Variants in SLX4IP observed in about 807,000 individuals in gnomAD.
SLX4IP encodes protein SLX4IP.
A neutral mutation model predicts 32.9 loss-of-function variants in SLX4IP; 34 were observed. That is an observed-to-expected ratio of 1.03 (90% CI 0.79 to 1.38). SLX4IP has a LOEUF of 1.38. Ranked by LOEUF, SLX4IP falls within the 40% of genes most tolerant of loss-of-function variation. The pLI is 0.00. For synonymous variants in SLX4IP, 172 were observed against 171.7 expected (o/e 1.00, Z -0.01); for missense variants, 444 against 479.0 (o/e 0.93, Z 0.68).
intron 4 of SLX4IP, among the ~76,000 whole-genome samples, chr20:10,589,042 AC>A (rs2066677134): frequency 6.6e-6 from 1 of 152,202 alleles, no homozygotes; most frequent in African/African-American, 2.4e-5. Flanking sequence ...CATGTTCTAT[AC>A]CTTAAATGTA....
intron 4 of SLX4IP, among the ~76,000 whole-genome samples, chr20:10,566,255 G>A (rs1175610592): frequency 6.8e-6 from 1 of 146,118 alleles, no homozygotes; most frequent in Admixed American, 6.8e-5. Flanking sequence ...TTAGCACTGG[G>A]TATGTTTCAC....
intron 4 of SLX4IP, among the ~76,000 whole-genome samples, chr20:10,578,330 C>T (rs142662346): frequency 7.2e-4 from 109 of 152,344 alleles, no homozygotes; most frequent in Admixed American, 2.8e-3. Context: ...TAGAGTCATA[C>T]ACCATGTGGT....
chr20:10,612,484 T>C (rs2066977995), intron 6 of SLX4IP, among the ~76,000 whole-genome samples: 1 of 152,204 alleles, frequency 6.6e-6, no homozygotes, highest in Non-Finnish European at 1.5e-5. Context: ...GAATATGCCC[T>C]AAGACTATGT....
At chr20:10,618,808 C>T (rs1185409830) in intron 6 of SLX4IP, among the ~76,000 whole-genome samples, 2 of 152,152 alleles carry the variant, frequency 1.3e-5, no homozygotes, top group African/African-American at 4.8e-5. Flanking sequence ...GTTGTGCCTC[C>T]GGATAAGCCT....
At chr20:10,485,252 C>T (rs971999736) in intron 2 of SLX4IP, among the ~76,000 whole-genome samples, 1 of 151,934 alleles carries the variant, frequency 6.6e-6, no homozygotes, top group African/African-American at 2.4e-5. Context: ...ATACAGTTGA[C>T]CCTTGAATAA....
chr20:10,567,499 C>T (rs879435385), intron 4 of SLX4IP, among the ~76,000 whole-genome samples: 8 of 152,168 alleles, frequency 5.3e-5, no homozygotes, highest in South Asian at 4.1e-4. Flanking sequence ...AGACTCTCGC[C>T]AGACCTGCTG....
At chr20:10,563,366 C>A (rs1387531038) in intron 4 of SLX4IP, among the ~76,000 whole-genome samples, 1 of 152,166 alleles carries the variant, frequency 6.6e-6, no homozygotes, top group Admixed American at 6.5e-5. Flanking sequence ...TCTCTTCATG[C>A]TGTTGATTGT....
chr20:10,585,358 TACTCCATGTGGGCCCCTCTTTCTCTGCTG>T (rs1387059565), intron 4 of SLX4IP, among the ~76,000 whole-genome samples: 1 of 152,204 alleles, frequency 6.6e-6, no homozygotes, highest in African/African-American at 2.4e-5. Flanking sequence ...CTGATCTAAC[TACTCCATGTGGGCCCCTCTTTCTCTGCTG>T]ACTCTTGAGA....
intron 6 of SLX4IP, among the ~76,000 whole-genome samples, chr20:10,617,652 C>CTTTTTTTTTTTTTTTTTTTTT (rs549525000): frequency 4.4e-5 from 5 of 112,748 alleles, no homozygotes; most frequent in Non-Finnish European, 7.1e-5. Context: ...TTCTTTCTTT[C>CTTTTTTTTTTTTTTTTTTTTT]TTTTTTTTTT....
At chr20:10,595,445 T>G (rs901347579) in intron 4 of SLX4IP, among the ~76,000 whole-genome samples, 5 of 152,206 alleles carry the variant, frequency 3.3e-5, no homozygotes, top group African/African-American at 1.2e-4. Context: ...TTTCTGCATT[T>G]AAAACACCAG....
intron 4 of SLX4IP, among the ~76,000 whole-genome samples, chr20:10,589,713 A>C (rs2066684324): frequency 6.6e-6 from 1 of 152,208 alleles, no homozygotes; most frequent in African/African-American, 2.4e-5. Flanking sequence ...GTTTTTAAAA[A>C]TCACGTTATA....
intron 4 of SLX4IP, among the ~76,000 whole-genome samples, chr20:10,574,678 T>C (rs1250975318): frequency 6.6e-6 from 1 of 152,130 alleles, no homozygotes; most frequent in Non-Finnish European, 1.5e-5. Flanking sequence ...AATGCTACTT[T>C]CCAAGACTTT....
At chr20:10,476,905 T>C (rs1454334916) in intron 2 of SLX4IP, among the ~76,000 whole-genome samples, 1 of 152,252 alleles carries the variant, frequency 6.6e-6, no homozygotes, top group Non-Finnish European at 1.5e-5. Context: ...TAAATGTGTG[T>C]TTAATAAAAG....
intron 4 of SLX4IP, among the ~76,000 whole-genome samples, chr20:10,598,071 G>A (rs538959680): frequency 1.3e-5 from 2 of 152,186 alleles, no homozygotes; most frequent in East Asian, 1.9e-4. Context: ...AGATCTATTC[G>A]CAAGCTCCGA....
intron 2 of SLX4IP, among the ~76,000 whole-genome samples, chr20:10,520,465 G>T (rs571269449): frequency 1.3e-5 from 2 of 152,304 alleles, no homozygotes; most frequent in Admixed American, 1.3e-4. Context: ...TCTGTGAATT[G>T]TCTCTTTACT....
chr20:10,534,968 C>A (rs551786966), intron 2 of SLX4IP, among the ~76,000 whole-genome samples: 1 of 152,326 alleles, frequency 6.6e-6, no homozygotes, highest in South Asian at 2.1e-4. Flanking sequence ...CAACCTCTTA[C>A]CAGCTTCCTA....
chr20:10,552,410 T>G (rs1360876042), intron 2 of SLX4IP, among the ~76,000 whole-genome samples: 1 of 150,174 alleles, frequency 6.7e-6, no homozygotes, highest in Non-Finnish European at 1.5e-5. Flanking sequence ...TTTTTTTTCT[T>G]TTTTTTTTTC....
At chr20:10,581,691 A>C (rs1325780888) in intron 4 of SLX4IP, among the ~76,000 whole-genome samples, 3 of 152,114 alleles carry the variant, frequency 2.0e-5, no homozygotes, top group Admixed American at 1.3e-4. Context: ...CAAGGCAGGA[A>C]GATCATTTGA....
intron 1 of SLX4IP, among the ~76,000 whole-genome samples, chr20:10,438,010 C>T (rs2065128957): frequency 6.6e-6 from 1 of 152,152 alleles, no homozygotes; most frequent in Non-Finnish European, 1.5e-5. Context: ...AAATGCTTGT[C>T]ATAGTGCCCG....
Sources: allele counts gnomAD v4.1 joint callset (sites outside exome capture counted in the v4.1 genomes callset), GRCh38; gene constraint gnomAD v4.1.1; transcripts MANE v1.5; gene names NCBI Gene and HGNC (gene_info 2026-07-23, HGNC 2026-07-21).